MDFIC2: variants seen among roughly 807,000 people sequenced by gnomAD.
The protein encoded by MDFIC2 is MyoD family inhibitor domain containing 2.
chr3:70,230,299 A>T (rs1701545543), intron 2 of MDFIC2, among the ~76,000 whole-genome samples: 1 of 152,206 alleles, frequency 6.6e-6, no homozygotes, highest in Non-Finnish European at 1.5e-5. Flanking sequence ...TTCTGTAGAC[A>T]AACATAGGAG....
chr3:70,311,723 C>G (rs1001873945), intron 2 of MDFIC2, among the ~76,000 whole-genome samples, 163 bp downstream of exon 2: 1 of 151,798 alleles, frequency 6.6e-6, no homozygotes, highest in Admixed American at 6.6e-5. Context: ...CAAACAACCA[C>G]TTAGGCCACA....
chr3:70,287,484 A>C (rs1189000008), intron 2 of MDFIC2, among the ~76,000 whole-genome samples: 1 of 151,968 alleles, frequency 6.6e-6, no homozygotes, highest in Non-Finnish European at 1.5e-5. Context: ...GGATTTTTGC[A>C]TCAATGTTCA....
intron 2 of MDFIC2, among the ~76,000 whole-genome samples, chr3:70,301,348 A>G (rs948059688): frequency 1.3e-5 from 2 of 152,092 alleles, no homozygotes; most frequent in Admixed American, 1.3e-4. Flanking sequence ...ATACTGCAAA[A>G]TTCCACCCAC....
intron 2 of MDFIC2, among the ~76,000 whole-genome samples, chr3:70,265,435 G>C (rs1242640628): frequency 6.6e-6 from 1 of 152,036 alleles, no homozygotes; most frequent in African/African-American, 2.4e-5. Flanking sequence ...CTTGATTTTA[G>C]GATTTGATGA....
chr3:70,236,180 T>A (rs1282039441), intron 2 of MDFIC2, among the ~76,000 whole-genome samples: 1 of 152,186 alleles, frequency 6.6e-6, no homozygotes, highest in Non-Finnish European at 1.5e-5. Flanking sequence ...AGATGACTGC[T>A]AAATCCAAAC....
At chr3:70,265,387 TA>T (rs750943471) in intron 2 of MDFIC2, among the ~76,000 whole-genome samples, 2 of 152,080 alleles carry the variant, frequency 1.3e-5, no homozygotes, top group Non-Finnish European at 2.9e-5. Context: ...GGAGCAAAGG[TA>T]AAGGAAGATG....
intron 2 of MDFIC2, among the ~76,000 whole-genome samples, chr3:70,286,686 C>A (rs1245671107): frequency 2.0e-5 from 3 of 152,092 alleles, no homozygotes; most frequent in Non-Finnish European, 4.4e-5. Context: ...TCTTCCTACC[C>A]ATGAGCATGG....
At chr3:70,233,326 C>T (rs2106746381) in intron 2 of MDFIC2, among the ~76,000 whole-genome samples, 1 of 152,208 alleles carries the variant, frequency 6.6e-6, no homozygotes, top group South Asian at 2.1e-4. Context: ...AGCAAGATGA[C>T]AGGAGCAAGA....
chr3:70,240,275 T>C (rs1378303359), intron 2 of MDFIC2, among the ~76,000 whole-genome samples: 1 of 152,020 alleles, frequency 6.6e-6, no homozygotes, highest in East Asian at 1.9e-4. Flanking sequence ...TTTTCCTATA[T>C]TATCTCATCT....
intron 2 of MDFIC2, among the ~76,000 whole-genome samples, chr3:70,235,591 G>T (rs954345213): frequency 2.0e-5 from 3 of 152,134 alleles, no homozygotes; most frequent in Non-Finnish European, 2.9e-5. Context: ...CTCTGTCCTT[G>T]TCTTCTTTAA....
At chr3:70,285,015 T>TTTTTTTA (rs1559553902) in intron 2 of MDFIC2, among the ~76,000 whole-genome samples, 1 of 151,896 alleles carries the variant, frequency 6.6e-6, no homozygotes, top group Non-Finnish European at 1.5e-5. Context: ...AAATTACCTA[T>TTTTTTTA]TTTTTTATTT....
chr3:70,296,900 A>T (rs1448525875), intron 2 of MDFIC2, among the ~76,000 whole-genome samples: 1 of 152,002 alleles, frequency 6.6e-6, no homozygotes, highest in Non-Finnish European at 1.5e-5. Context: ...TTGCCCTTAG[A>T]GTAAACTTTC....
At position 70,252,838 on chromosome 3, in the gene MDFIC2, G is replaced by C. The variant is rs530917317; in HGVS notation, c.89-46048C>G. Among the ~76,000 whole-genome samples the C allele has an allele frequency of 2.0e-5, 3 of 152,282 alleles. No homozygotes were observed. In the South Asian group the frequency reaches 6.2e-4, roughly 32 times the overall value. On this transcript the variant is annotated intron_variant, in intron 2 of 3. Transcript: ENST00000567252. ...CTCATGCCTGTAATCCCAGCACTTT[G>C]GGAGGCTGAGGCAGGCAGATCACCT...
chr3:70,199,157 TA>T (rs981426529), intron 3 of MDFIC2, among the ~76,000 whole-genome samples: 9 of 152,184 alleles, frequency 5.9e-5, no homozygotes, highest in African/African-American at 2.2e-4. Context: ...CATGCAAGGT[TA>T]AAAGTTTGCT....
chr3:70,255,573 C>T (rs569564761), intron 2 of MDFIC2, among the ~76,000 whole-genome samples: 11 of 152,304 alleles, frequency 7.2e-5, no homozygotes, highest in Admixed American at 3.3e-4. Context: ...CCTCAGTCCT[C>T]CTGCCTCCTA....
chr3:70,275,926 T>G (rs1702020906), intron 2 of MDFIC2, among the ~76,000 whole-genome samples: 1 of 152,178 alleles, frequency 6.6e-6, no homozygotes, highest in South Asian at 2.1e-4. Flanking sequence ...ATGCAAATCA[T>G]GGTAACTAAT....
chr3:70,280,742 C>T (rs897058149), intron 2 of MDFIC2, among the ~76,000 whole-genome samples: 2 of 152,082 alleles, frequency 1.3e-5, no homozygotes, highest in African/African-American at 2.4e-5. Context: ...TCTTAGTTTC[C>T]CCCGCCTTTC....
At chr3:70,311,780 T>A (rs2106710620) in intron 2 of MDFIC2, 106 bp downstream of exon 2, 1 of 391,102 alleles carries the variant, frequency 2.6e-6, no homozygotes, top group African/African-American at 2.1e-5. Flanking sequence ...GAAGTACTAC[T>A]ATTTGAACGG....
intron 2 of MDFIC2, among the ~76,000 whole-genome samples, chr3:70,256,638 A>G (rs1016517785): frequency 6.6e-6 from 1 of 152,192 alleles, no homozygotes; most frequent in Non-Finnish European, 1.5e-5. Flanking sequence ...GGGAAAGGAA[A>G]TCCTCAAGCC....
Sources: allele counts gnomAD v4.1 joint callset (sites outside exome capture counted in the v4.1 genomes callset), GRCh38; gene constraint gnomAD v4.1.1; transcripts MANE v1.5; gene names NCBI Gene and HGNC (gene_info 2026-07-23, HGNC 2026-07-21).